VDAC1: variants seen among roughly 807,000 people sequenced by gnomAD.
The protein encoded by VDAC1 is voltage dependent anion channel 1.
Under a neutral mutation model 34.7 loss-of-function variants are expected in VDAC1, and 10 were observed. The observed-to-expected ratio is 0.29, with a 90% CI of 0.18 to 0.49. VDAC1 has a LOEUF of 0.49. VDAC1 is among the 20% of genes least tolerant of loss of function. The pLI, the probability that VDAC1 is intolerant of heterozygous loss-of-function variation, is 0.99. For synonymous variants in VDAC1, 130 were observed against 136.0 expected (o/e 0.96, Z 0.30); for missense variants, 230 against 347.9 (o/e 0.66, Z 2.69).
the VDAC1 span, among the ~76,000 whole-genome samples, chr5:134,020,895 C>T: frequency 6.6e-6 from 1 of 151,984 alleles, no homozygotes; most frequent in East Asian, 1.9e-4. Context: ...CAGGGGCTCA[C>T]TCTTGTAATC....
the VDAC1 span, among the ~76,000 whole-genome samples, chr5:134,102,396 C>T: frequency 3.3e-5 from 5 of 149,822 alleles, no homozygotes; most frequent in South Asian, 4.4e-4. Context: ...AGGCCTGGCG[C>T]GGTGGCTCAA....
At chr5:134,091,755 A>G in the VDAC1 span, among the ~76,000 whole-genome samples, 2 of 152,258 alleles carry the variant, frequency 1.3e-5, no homozygotes, top group Non-Finnish European at 2.9e-5. Context: ...GGTCCTGACA[A>G]CAGAACTGAG....
At chr5:134,086,825 G>A in the VDAC1 span, among the ~76,000 whole-genome samples, 4 of 152,128 alleles carry the variant, frequency 2.6e-5, no homozygotes, top group African/African-American at 4.8e-5. Flanking sequence ...TCGGGTACCC[G>A]ATTTTCCCTT....
chr5:134,015,686 C>T, the VDAC1 span, among the ~76,000 whole-genome samples: 2 of 151,798 alleles, frequency 1.3e-5, no homozygotes, highest in African/African-American at 2.4e-5. Context: ...GCTCTGTCAC[C>T]CAGGCTGGAG....
the VDAC1 span, among the ~76,000 whole-genome samples, chr5:134,058,997 C>T: frequency 6.6e-6 from 1 of 152,344 alleles, no homozygotes; most frequent in Non-Finnish European, 1.5e-5. Flanking sequence ...AGGCTATGCA[C>T]CCTGCATGCC....
chr5:134,003,639 G>A (rs908021311), intron 1 of VDAC1, among the ~76,000 whole-genome samples: 12 of 152,188 alleles, frequency 7.9e-5, no homozygotes, highest in African/African-American at 2.9e-4. Context: ...AATGGTCTGC[G>A]GGGGATGGGC....
intron 1 of VDAC1, among the ~76,000 whole-genome samples, chr5:133,995,435 C>T (rs1361350562): frequency 6.6e-6 from 1 of 152,206 alleles, no homozygotes; most frequent in Non-Finnish European, 1.5e-5. Context: ...GAAGCATAAT[C>T]TCCCCCGTTC....
the VDAC1 span, among the ~76,000 whole-genome samples, chr5:134,075,867 G>A: frequency 0.11 from 17,366 of 152,090 alleles, 1,379 homozygotes; most frequent in African/African-American, 0.23. Context: ...TTACACGCGT[G>A]AGCCACCGTG....
the VDAC1 span, among the ~76,000 whole-genome samples, chr5:134,062,011 C>T: frequency 6.6e-6 from 1 of 151,520 alleles, no homozygotes; most frequent in Admixed American, 6.6e-5. Flanking sequence ...CAGAGTCTTG[C>T]TCTGTCGTCC....
At chr5:133,979,800 ACAGT>A (rs1466486105) in intron 6 of VDAC1, among the ~76,000 whole-genome samples, 5 of 152,200 alleles carry the variant, frequency 3.3e-5, no homozygotes, top group Admixed American at 2.0e-4. Flanking sequence ...AACCATGACG[ACAGT>A]CAGAATATAG....
At chr5:134,078,875 T>A in the VDAC1 span, among the ~76,000 whole-genome samples, 1 of 152,068 alleles carries the variant, frequency 6.6e-6, no homozygotes, top group Non-Finnish European at 1.5e-5. Context: ...GCTCTCAAAC[T>A]CCTGACCTCA....
the VDAC1 span, among the ~76,000 whole-genome samples, chr5:134,082,860 C>T: frequency 1.3e-5 from 2 of 152,076 alleles, no homozygotes; most frequent in African/African-American, 2.4e-5. Flanking sequence ...TCAGCCATTC[C>T]TATATATATG....
At chr5:133,976,981 T>G (rs1752506340) in intron 6 of VDAC1, among the ~76,000 whole-genome samples, 1 of 151,710 alleles carries the variant, frequency 6.6e-6, no homozygotes, top group South Asian at 2.1e-4. Context: ...GAGGCAGAGG[T>G]TGCAGTGAGC....
chr5:134,077,828 A>C, the VDAC1 span, among the ~76,000 whole-genome samples: 71,561 of 152,020 alleles, frequency 0.47, 17,248 homozygotes, highest in Non-Finnish European at 0.52. Flanking sequence ...GGGTTGCCTG[A>C]GTGTTTCAGC....
the VDAC1 span, among the ~76,000 whole-genome samples, chr5:134,094,065 G>A: frequency 6.6e-6 from 1 of 152,244 alleles, no homozygotes; most frequent in South Asian, 2.1e-4. Flanking sequence ...ACTCCATGAG[G>A]CCAGTGAGCG....
chr5:134,033,051 GGAGGAGAGGA>G, the VDAC1 span, among the ~76,000 whole-genome samples: 1 of 151,636 alleles, frequency 6.6e-6, no homozygotes, highest in Admixed American at 6.6e-5. Flanking sequence ...GGACGGGAAG[GGAGGAGAGGA>G]GAGGAGAGGA....
intron 6 of VDAC1, among the ~76,000 whole-genome samples, chr5:133,979,259 A>T (rs1752595001): frequency 6.6e-6 from 1 of 152,130 alleles, no homozygotes. Context: ...TTGGTACTGA[A>T]GAATTGGTGC....
At chr5:134,043,556 C>T in the VDAC1 span, among the ~76,000 whole-genome samples, 1 of 151,710 alleles carries the variant, frequency 6.6e-6, no homozygotes, top group African/African-American at 2.4e-5. Flanking sequence ...TTTTCCCAGA[C>T]AAGGTTCACT....
At chr5:133,993,468 G>A (rs1753181041) in intron 1 of VDAC1, among the ~76,000 whole-genome samples, 1 of 152,144 alleles carries the variant, frequency 6.6e-6, no homozygotes, top group Non-Finnish European at 1.5e-5. Flanking sequence ...CTTTTCATGG[G>A]AACATCATTT....
Sources: allele counts gnomAD v4.1 joint callset (sites outside exome capture counted in the v4.1 genomes callset), GRCh38; gene constraint gnomAD v4.1.1; transcripts MANE v1.5; gene names NCBI Gene and HGNC (gene_info 2026-07-23, HGNC 2026-07-21).